Variants in NOTCH1 observed in about 807,000 individuals in gnomAD.
NOTCH1 encodes the protein notch receptor 1.
NOTCH1 carries 37 observed loss-of-function variants against 254.8 expected under a neutral mutation model. The observed-to-expected ratio is 0.15, with a 90% CI of 0.11 to 0.19. The LOEUF is 0.19. NOTCH1 is among the 10% of genes least tolerant of loss of function. The pLI is 1.00. For synonymous variants in NOTCH1, 1,731 were observed against 1,618.1 expected (o/e 1.07, Z -1.68); for missense variants, 2,972 against 3,708.6 (o/e 0.80, Z 5.16).
intron 4 of NOTCH1, among the ~76,000 whole-genome samples, chr9:136,520,749 T>C (rs1214911472): frequency 7.0e-6 from 1 of 143,444 alleles, no homozygotes; most frequent in East Asian, 2.0e-4. Flanking sequence ...AAAAAAAAAA[T>C]TCAGAGCCTG....
chr9:136,517,135 G>A (rs1227334630), intron 9 of NOTCH1, 137 bp downstream of exon 9: 2 of 592,010 alleles, frequency 3.4e-6, no homozygotes, highest in Non-Finnish European at 5.9e-6. Context: ...CGAGGGCAGG[G>A]GGTGGGGGCG....
rs1418701337 is a variant in NOTCH1, at chr9:136,533,109, C to T, written c.141-9130G>A. 1.7e-5 allele frequency among the ~76,000 whole-genome samples: 2 copies of T among 116,398 alleles called. 1 individual carries two copies. Among genetic ancestry groups the T allele is most frequent in the Admixed American group, 1.7e-4 (2 of 11,968 alleles). 76.4% of individuals were successfully genotyped at this position (116,398 alleles called of 152,430 possible). A position where few individuals can be genotyped will look rare whatever the true frequency, so the allele number is the denominator to read the frequency against. On this transcript the variant is annotated intron_variant, in intron 2 of 33. Coordinates refer to ENST00000651671, the MANE Select transcript of NOTCH1 (RefSeq NM_017617.5). The stretch of plus-strand genomic sequence containing the variant: ...TGGACCCTGGACACTCAGCCCCGCC[C>T]GGCCTCCCCACCTGGCTCTCCGTCA...
chr9:136,497,105 C>T lies in NOTCH1; in HGVS notation c.6634G>A (p.Asp2212Asn), dbSNP rs1842929239. Residue 2212 changes from aspartate (D) to asparagine (N), a missense_variant, in exon 34 of 34, where the codon GAC becomes AAC. Coordinates refer to ENST00000651671, the MANE Select transcript of NOTCH1 (RefSeq NM_017617.5). The part of the protein sequence containing the change: ...SLESPHGYLS[D>N]VASPPLLPSP... The stretch of plus-strand genomic sequence containing the variant: ...GGCAGCAGTGGCGGCGAGGCCACGT[C>T]TGACAGGTAGCCATGGGGTGACTCC... 6.2e-7 allele frequency: 1 copy of T among 1,611,182 alleles called. No homozygotes were observed. The highest frequency in any genetic ancestry group is 1.1e-5 in the South Asian group (1 of 91,048).
chr9:136,535,370 C>T (rs577068738), intron 2 of NOTCH1, among the ~76,000 whole-genome samples: 1 of 152,178 alleles, frequency 6.6e-6, no homozygotes, highest in East Asian at 1.9e-4. Context: ...GGCAGGACGC[C>T]CCCAGCCCTG....
chr9:136,515,453 C>CG, intron 11 of NOTCH1, 30 bp downstream of exon 11: 3 of 1,611,456 alleles, frequency 1.9e-6, no homozygotes, highest in Non-Finnish European at 2.5e-6. Flanking sequence ...GCCCACTGGC[C>CG]CCCCGCCGGC....
rs368672433 is a variant in NOTCH1 at position 136,509,998 on chromosome 9, C to T, written c.2741-37G>A. ...CGGAAGGGTGAGTGTGAGGGGCAGGCACAAACCCACACCTGCGGGAGGGGG... is the reference window on the plus strand; with the variant it reads ...CGGAAGGGTGAGTGTGAGGGGCAGGTACAAACCCACACCTGCGGGAGGGGG... On this transcript the variant is annotated intron_variant, in intron 17 of 33. Coordinates refer to ENST00000651671, the MANE Select transcript of NOTCH1 (RefSeq NM_017617.5). 5.7e-6 allele frequency: 9 copies of T among 1,575,538 alleles called. No homozygotes were observed. In the African/African-American group the frequency reaches 1.2e-4, roughly 21 times the overall value.
rs1330243503 is a variant in NOTCH1, at chr9:136,494,523, G to A, written c.*1548C>T. On this transcript the variant is annotated 3_prime_UTR_variant, in exon 34 of 34. Coordinates refer to ENST00000651671, the MANE Select transcript of NOTCH1 (RefSeq NM_017617.5). ...TACATCATCTACAGTTCCTCATGTA[G>A]ATCACTTTTAAAGTCTTTTTCTGTA... 1 of 398,898 alleles carries A rather than the reference G, an allele frequency of 2.5e-6. No individual in the cohort carries two copies. Among genetic ancestry groups the A allele is most frequent in the Non-Finnish European group, 4.4e-6 (1 of 226,078 alleles). 24.7% of individuals were successfully genotyped at this position (398,898 alleles called of 1,614,324 possible).
At chr9:136,522,626 C>T (rs144026033) in intron 4 of NOTCH1, 3 of 538,884 alleles carry the variant, frequency 5.6e-6, no homozygotes, top group East Asian at 3.1e-5. Flanking sequence ...TCCAGAGACA[C>T]GGGCTGGCAC....
chr9:136,510,902 C>T (rs555882191), intron 16 of NOTCH1, 97 bp from the exon 17 acceptor site: 267 of 1,542,364 alleles, frequency 1.7e-4, no homozygotes, highest in Non-Finnish European at 2.3e-4. Context: ...TCTCCCGACC[C>T]AGGAGTAGGC....
chr9:136,544,568 G>A (rs1589084420), intron 1 of NOTCH1, among the ~76,000 whole-genome samples: 1 of 152,272 alleles, frequency 6.6e-6, no homozygotes, highest in Non-Finnish European at 1.5e-5. Flanking sequence ...CGGGGGGAGG[G>A]GGGGTGGCCA....
Position 136,515,731 on chromosome 9 carries a change from G to T in NOTCH1, c.1670-15C>A, listed in dbSNP as rs909199745. On this transcript the variant is annotated splice_polypyrimidine_tract_variant and intron_variant, in intron 10 of 33. Transcript: ENST00000651671. Reference sequence around the variant, plus strand: ...CCCCGTGTACCCTGGACCGTGGGAGGGGCGGGCACAGGAAGACTTAGGACT... The same window carrying T: ...CCCCGTGTACCCTGGACCGTGGGAGTGGCGGGCACAGGAAGACTTAGGACT... 1 of 1,531,494 alleles carries T rather than the reference G, an allele frequency of 6.5e-7. No homozygotes were observed. Among genetic ancestry groups the T allele is most frequent in the Non-Finnish European group, 8.7e-7 (1 of 1,144,152 alleles). 94.9% of individuals were successfully genotyped at this position (1,531,494 alleles called of 1,614,324 possible).
intron 2 of NOTCH1, among the ~76,000 whole-genome samples, chr9:136,535,916 C>CG (rs1554732279): frequency 3.9e-5 from 2 of 50,786 alleles, no homozygotes; most frequent in Admixed American, 3.2e-4. Context: ...GGATCCCTCC[C>CG]GGGGCAATGA....
Position 136,495,292 on chromosome 9 carries a change from G to A in NOTCH1, c.*779C>T. 2 of 399,000 alleles carry A rather than the reference G, an allele frequency of 5.0e-6. No individual in the cohort carries two copies. Among genetic ancestry groups the A allele is most frequent in the Non-Finnish European group, 8.8e-6 (2 of 226,086 alleles). 24.7% of individuals were successfully genotyped at this position (399,000 alleles called of 1,614,324 possible). ...GGCAGGGGGCCGGGGTGGTTCTGGA[G>A]GGACCAAGAACTTGTATAACCAACG... On this transcript the variant is annotated 3_prime_UTR_variant, in exon 34 of 34. Coordinates refer to ENST00000651671, the MANE Select transcript of NOTCH1 (RefSeq NM_017617.5).
At chr9:136,529,924 G>A (rs896576779) in intron 2 of NOTCH1, among the ~76,000 whole-genome samples, 2 of 152,212 alleles carry the variant, frequency 1.3e-5, no homozygotes, top group Non-Finnish European at 1.5e-5. Context: ...CACCACCTGC[G>A]GTCCCACCTG....
chr9:136,512,961 G>A (rs1843204745), intron 15 of NOTCH1, 60 bp downstream of exon 15: 3 of 469,954 alleles, frequency 6.4e-6, no homozygotes, highest in East Asian at 7.0e-5. Flanking sequence ...CTCCAGCACA[G>A]GTCCCGCCCC....
rs200692749 is a variant in NOTCH1 at position 136,514,583 on chromosome 9, T to C, written c.2134A>G (p.Thr712Ala). 3 of 1,600,338 alleles carry C rather than the reference T, an allele frequency of 1.9e-6. No homozygotes were observed. The African/African-American group carries it at 4.0e-5, about 21-fold the overall frequency. ...CACTCATTGACCTCAGACAGGCAGG[T>C]GGGGTCGTGGTAGCCCTCGGGGCAG... ...CRCPEGYHDP[T>A]CLSEVNECNS... The change falls in exon 13 of 34, where the codon ACC becomes GCC. Residue 712 changes from threonine to alanine, a missense_variant. Thr to Ala is a moderately conservative substitution (Grantham distance 58). Around this residue, in one of 8 missense-constraint regions of NOTCH1, gnomAD observed 1,343 missense variants for 1,557.0 expected, o/e 0.86. Coordinates refer to ENST00000651671, the MANE Select transcript of NOTCH1 (RefSeq NM_017617.5).
Position 136,497,269 on chromosome 9 carries a change from T to G in NOTCH1, c.6470A>C (p.Lys2157Thr), listed in dbSNP as rs1564568574. Reference protein sequence around the residue: ...GSLKPGVQGKKVRKPSSKGLA... With the variant: ...GSLKPGVQGKTVRKPSSKGLA... Reference sequence around the variant, plus strand: ...GCCTTTGCTGCTGGGCTTGCGGACCTTCTTGCCCTGCACGCCGGGCTTGAG... The same window carrying G: ...GCCTTTGCTGCTGGGCTTGCGGACCGTCTTGCCCTGCACGCCGGGCTTGAG... The change falls in exon 34 of 34, where the codon AAG becomes ACG. Residue 2157 changes from lysine to threonine, a missense_variant. By Grantham distance (78) the Lys-to-Thr change is moderately conservative. This residue lies in a region of NOTCH1 where 529 missense variants were observed against 529.2 expected (regional missense o/e 1.00). Coordinates refer to ENST00000651671, the MANE Select transcript of NOTCH1 (RefSeq NM_017617.5). 1.2e-6 allele frequency: 2 copies of G among 1,611,018 alleles called. No homozygotes were observed. The highest frequency in any genetic ancestry group is 1.7e-6 in the Non-Finnish European group (2 of 1,179,892).
chr9:136,523,807 C>T lies in NOTCH1; in HGVS notation c.313G>A (p.Ala105Thr), dbSNP rs1272955097. 2.5e-6 allele frequency: 4 copies of T among 1,611,656 alleles called. No homozygotes were observed. Among genetic ancestry groups the T allele is most frequent in the Non-Finnish European group, 3.4e-6 (4 of 1,179,590 alleles). ...GPLCLTPLDN[A>T]CLTNPCRNGG... is the part of the protein sequence containing the mutation. ...TTGCGGCAGGGGTTGGTGAGGCAGG[C>T]ATTGTCCAGGGGTGTCAGGCAGAGG... Residue 105 changes from alanine to threonine, a missense_variant, in exon 3 of 34, where the codon GCC (alanine) becomes ACC (threonine). Physicochemically the swap from Ala to Thr is moderately conservative, Grantham distance 58. Transcript: ENST00000651671.
At position 136,496,117 on chromosome 9, in the gene NOTCH1, G is replaced by T. The variant is rs2133313833; in HGVS notation, c.7622C>A (p.Thr2541Asn). Residue 2541 changes from threonine to asparagine, a missense_variant, in exon 34 of 34, where the codon ACC becomes AAC. Thr to Asn is a moderately conservative substitution (Grantham distance 65). Coordinates refer to ENST00000651671, the MANE Select transcript of NOTCH1 (RefSeq NM_017617.5). ...GCGGGCGATCTGGGACTGCATGCTG[G>T]TGGGAGGGCTGGAGACGCCCTCGGA... ...DWSEGVSSPP[T>N]SMQSQIARIP... The T allele has an allele frequency of 6.2e-7, 1 of 1,609,336 alleles. No homozygotes were observed. Among genetic ancestry groups the T allele is most frequent in the East Asian group, 2.2e-5 (1 of 44,796 alleles).
Sources: gnomAD v4.1 joint callset for allele counts (sites outside exome capture counted in the v4.1 genomes callset) on GRCh38, gnomAD v4.1.1 for gene constraint, gnomAD v4.1.1 regional missense constraint, MANE v1.5 for transcripts, NCBI Gene and HGNC (gene_info 2026-07-23, HGNC 2026-07-21) for gene names.